The following PBX4 variants were observed in gnomAD, a reference collection of about 807,000 sequenced individuals.
PBX4 encodes PBX homeobox 4.
In PBX4, 26 loss-of-function variants were observed where a neutral mutation model predicts 35.1. The observed-to-expected ratio is 0.74, with a 90% CI of 0.54 to 1.03. PBX4 has a LOEUF of 1.03. Ranked by LOEUF, PBX4 falls within the 50% of genes least tolerant of loss-of-function variation. PBX4 has a pLI of 0.00. For synonymous variants in PBX4, 199 were observed against 204.2 expected (o/e 0.97, Z 0.22); for missense variants, 448 against 504.3 (o/e 0.89, Z 1.07).
intron 1 of PBX4, among the ~76,000 whole-genome samples, chr19:19,610,212 G>A (rs1392991665): frequency 6.6e-6 from 1 of 152,072 alleles, no homozygotes; most frequent in Non-Finnish European, 1.5e-5. Context: ...TTGGGAGTTC[G>A]AGACCAGCCT....
intron 1 of PBX4, among the ~76,000 whole-genome samples, chr19:19,614,869 G>C (rs2061680247): frequency 6.6e-6 from 1 of 151,734 alleles, no homozygotes; most frequent in African/African-American, 2.4e-5. Flanking sequence ...TAAAAAAATA[G>C]AAAGATTAGT....
intron 1 of PBX4, among the ~76,000 whole-genome samples, chr19:19,602,311 G>T (rs1304089182): frequency 1.1e-4 from 16 of 152,174 alleles, no homozygotes; most frequent in Admixed American, 1.0e-3. Context: ...AGGTGACTCA[G>T]CGGAGAGGGA....
At chr19:19,608,092 C>T (rs1273110294) in intron 1 of PBX4, 1 of 152,206 alleles carries the variant, frequency 6.6e-6, no homozygotes, top group Non-Finnish European at 1.5e-5. Flanking sequence ...GTGGCTCACG[C>T]CTGTAATCCC....
chr19:19,586,899 C>CCA (rs1176549142), intron 2 of PBX4, among the ~76,000 whole-genome samples: 2 of 151,816 alleles, frequency 1.3e-5, no homozygotes, highest in Non-Finnish European at 2.9e-5. Context: ...CCACTGTACT[C>CCA]CAGCATGGGC....
At chr19:19,608,931 T>C (rs998616381) in intron 1 of PBX4, among the ~76,000 whole-genome samples, 1 of 152,180 alleles carries the variant, frequency 6.6e-6, no homozygotes, top group Non-Finnish European at 1.5e-5. Context: ...TGAATCTCCT[T>C]TCAGAACTCA....
At chr19:19,616,233 C>T (rs6511046) in intron 1 of PBX4, among the ~76,000 whole-genome samples, 65,243 of 151,956 alleles carry the variant, frequency 0.43, 14,311 homozygotes, top group African/African-American at 0.5. Flanking sequence ...TGGAGGTAAA[C>T]GGGATGGGAG....
chr19:19,599,049 A>C (rs1168342948), intron 2 of PBX4, among the ~76,000 whole-genome samples: 1 of 151,046 alleles, frequency 6.6e-6, no homozygotes, highest in Non-Finnish European at 1.5e-5. Flanking sequence ...GCTCACCGCA[A>C]CCTCCACCTC....
chr19:19,594,106 A>AAAAAAAAAAAAAAAAAAAAAT (rs376246400), intron 2 of PBX4, among the ~76,000 whole-genome samples: 1 of 145,224 alleles, frequency 6.9e-6, no homozygotes, highest in Non-Finnish European at 1.5e-5. Context: ...AAAATAAAAA[A>AAAAAAAAAAAAAAAAAAAAAT]TAAAAAATTA....
chr19:19,593,256 A>G (rs992104072), intron 2 of PBX4, among the ~76,000 whole-genome samples: 20 of 152,218 alleles, frequency 1.3e-4, no homozygotes, highest in African/African-American at 4.6e-4. Flanking sequence ...GGTCTTTACC[A>G]TAAGGCCTGC....
chr19:19,575,422 GAATT>G (rs1289460155), intron 2 of PBX4, among the ~76,000 whole-genome samples: 2 of 152,096 alleles, frequency 1.3e-5, no homozygotes, highest in Non-Finnish European at 2.9e-5. Flanking sequence ...GCCGCTCCCA[GAATT>G]AGCCTGTGTT....
chr19:19,585,319 C>T (rs2061482733), intron 2 of PBX4, among the ~76,000 whole-genome samples: 1 of 150,420 alleles, frequency 6.6e-6, no homozygotes, highest in Admixed American at 6.6e-5. Context: ...TGTGAGACTC[C>T]ATCTCAAAAA....
At chr19:19,592,125 C>T (rs1436220747) in intron 2 of PBX4, among the ~76,000 whole-genome samples, 2 of 152,086 alleles carry the variant, frequency 1.3e-5, no homozygotes, top group Admixed American at 6.6e-5. Context: ...TCAGGTGATC[C>T]GTCTGCCTCA....
chr19:19,567,073 T>C (rs1865035), intron 5 of PBX4, among the ~76,000 whole-genome samples: 1 of 152,224 alleles, frequency 6.6e-6, no homozygotes, highest in African/African-American at 2.4e-5. Context: ...CCTGTCTGTG[T>C]GCTCTCTGTT....
At chr19:19,601,829 G>A (rs916972321) in intron 1 of PBX4, among the ~76,000 whole-genome samples, 1 of 152,162 alleles carries the variant, frequency 6.6e-6, no homozygotes, top group Admixed American at 6.5e-5. Flanking sequence ...AGCCCACTGT[G>A]CCCATGTGGG....
intron 2 of PBX4, 132 bp downstream of exon 2, chr19:19,599,160 G>A: frequency 1.5e-6 from 1 of 687,002 alleles, no homozygotes; most frequent in Non-Finnish European, 2.5e-6. Flanking sequence ...ATAGAGACAG[G>A]GTTTCTCCAT....
intron 2 of PBX4, among the ~76,000 whole-genome samples, chr19:19,591,465 T>G (rs973487703): frequency 2.6e-5 from 4 of 152,264 alleles, no homozygotes; most frequent in South Asian, 2.1e-4. Context: ...TATTTACATT[T>G]ACTCCTCTGA....
rs374029974 is a variant in PBX4, at chr19:19,562,078, T to C, written c.1072A>G (p.Thr358Ala). Reference protein sequence around the residue: ...SWQGATPQPATASPAGDPGSI... With the variant: ...SWQGATPQPAAASPAGDPGSI... Reference sequence around the variant, plus strand: ...CCAGGGTCTCCAGCAGGTGAGGCAGTTGCAGGTTGGGGGGTGGCCCCCTGC... The same window carrying C: ...CCAGGGTCTCCAGCAGGTGAGGCAGCTGCAGGTTGGGGGGTGGCCCCCTGC... Residue 358 changes from threonine to alanine, a missense_variant, in exon 8 of 8, where the codon ACT (threonine) becomes GCT (alanine). Thr to Ala is a moderately conservative substitution (Grantham distance 58, BLOSUM62 0). Coordinates refer to ENST00000251203, the MANE Select transcript of PBX4 (RefSeq NM_025245.3). This position sits in a 1 kb window ranked among gnomAD's most constrained non-coding sequence, Gnocchi z 4.8. 5 of 1,612,922 alleles carry C rather than the reference T, an allele frequency of 3.1e-6. No homozygotes were observed. The highest frequency in any genetic ancestry group is 1.7e-5 in the Admixed American group (1 of 59,876).
At chr19:19,616,946 T>G (rs1269303234) in intron 1 of PBX4, among the ~76,000 whole-genome samples, 3 of 152,188 alleles carry the variant, frequency 2.0e-5, no homozygotes, top group Admixed American at 2.0e-4. Flanking sequence ...CCTCCCAAAG[T>G]GCTGGGATTA....
chr19:19,602,976 T>C (rs1392526147), intron 1 of PBX4, among the ~76,000 whole-genome samples: 1 of 152,188 alleles, frequency 6.6e-6, no homozygotes, highest in Non-Finnish European at 1.5e-5. Context: ...AGACCACTCC[T>C]CTAGCACAGA....
Sources: gnomAD v4.1 joint callset for allele counts (sites outside exome capture counted in the v4.1 genomes callset) on GRCh38, gnomAD v4.1.1 for gene constraint, Gnocchi (gnomAD v3.1) non-coding constraint, MANE v1.5 for transcripts, NCBI Gene and HGNC (gene_info 2026-07-23, HGNC 2026-07-21) for gene names.